Variants in PLSCR4 observed in about 807,000 individuals in gnomAD.
PLSCR4 encodes the protein phospholipid scramblase 4, also known as Ca(2+)-dependent phospholipid scramblase 4.
In PLSCR4, 25 loss-of-function variants were observed where a neutral mutation model predicts 36.3. The observed-to-expected ratio is 0.69, with a 90% CI of 0.50 to 0.96. The LOEUF (loss-of-function observed/expected upper bound fraction) is 0.96. Among genes scored for constraint, PLSCR4 ranks in the 40% least tolerant of loss-of-function variants. The pLI is 0.00. For synonymous variants in PLSCR4, 122 were observed against 132.9 expected, an observed-to-expected ratio of 0.92 and a Z score of 0.56; for missense variants, 408 against 414.7, an observed-to-expected ratio of 0.98 and a Z score of 0.14.
At chr3:146,195,411 G>T in intron 7 of PLSCR4, 129 bp from the exon 8 acceptor site, 1 of 763,490 alleles carries the variant, frequency 1.3e-6, no homozygotes, top group Non-Finnish European at 2.1e-6. Flanking sequence ...TTTGAAATGA[G>T]AAAATAATGG....
chr3:146,238,496 C>T (rs2036009737), intron 1 of PLSCR4, among the ~76,000 whole-genome samples: 1 of 151,758 alleles, frequency 6.6e-6, no homozygotes, highest in Admixed American at 6.6e-5. Context: ...ACAAAAAAAA[C>T]CTCAATCAAT....
intron 1 of PLSCR4, among the ~76,000 whole-genome samples, chr3:146,241,803 A>C (rs74695005): frequency 0.017 from 2,561 of 152,310 alleles, 78 homozygotes; most frequent in African/African-American, 0.058. Flanking sequence ...AAATTAAAAT[A>C]ATACAGCTTG....
intron 3 of PLSCR4, among the ~76,000 whole-genome samples, chr3:146,219,763 A>G (rs1039208101): frequency 5.3e-5 from 8 of 152,138 alleles, no homozygotes; most frequent in African/African-American, 4.8e-5. Flanking sequence ...CAAACAAAAA[A>G]CAAAGAACAA....
At chr3:146,216,907 A>G (rs975871255) in intron 3 of PLSCR4, among the ~76,000 whole-genome samples, 5 of 152,152 alleles carry the variant, frequency 3.3e-5, no homozygotes, top group African/African-American at 1.2e-4. Context: ...TCGCCTTTGA[A>G]GGTGATGAAG....
At chr3:146,217,958 G>T (rs980057348) in intron 3 of PLSCR4, among the ~76,000 whole-genome samples, 2 of 152,154 alleles carry the variant, frequency 1.3e-5, no homozygotes, top group Non-Finnish European at 2.9e-5. Context: ...AGGGTGACTG[G>T]GAGAGGAGAG....
intron 5 of PLSCR4, among the ~76,000 whole-genome samples, chr3:146,200,813 A>T (rs2108220518): frequency 6.6e-6 from 1 of 152,190 alleles, no homozygotes; most frequent in African/African-American, 2.4e-5. Context: ...ATAAAATGTA[A>T]GCCCTTTTCA....
At chr3:146,196,607 A>C (rs1445593565) in intron 7 of PLSCR4, 25 bp downstream of exon 7, 1 of 1,609,688 alleles carries the variant, frequency 6.2e-7, no homozygotes, top group Admixed American at 1.7e-5. Context: ...AAAATATCAG[A>C]AACACTATTT....
chr3:146,236,360 G>C (rs1018982700), intron 1 of PLSCR4, among the ~76,000 whole-genome samples: 1 of 152,144 alleles, frequency 6.6e-6, no homozygotes, highest in Non-Finnish European at 1.5e-5. Flanking sequence ...TTAAAATCAT[G>C]TACTAAGCGT....
chr3:146,196,563 C>T, intron 7 of PLSCR4, 69 bp downstream of exon 7: 2 of 1,455,352 alleles, frequency 1.4e-6, no homozygotes, highest in Admixed American at 1.7e-5. Context: ...TGTCTACAAC[C>T]AGATCTTTCC....
chr3:146,229,653 C>A (rs2035624061), intron 1 of PLSCR4, among the ~76,000 whole-genome samples: 1 of 148,972 alleles, frequency 6.7e-6, no homozygotes, highest in African/African-American at 2.5e-5. Context: ...GAGATGGAGT[C>A]TCGCTCTGTC....
chr3:146,234,147 G>A (rs1013440409), intron 1 of PLSCR4, among the ~76,000 whole-genome samples: 5 of 152,054 alleles, frequency 3.3e-5, no homozygotes, highest in African/African-American at 1.2e-4. Context: ...TTAAAAAGTA[G>A]AAAGAACATG....
intron 5 of PLSCR4, among the ~76,000 whole-genome samples, 192 bp from the exon 6 acceptor site, chr3:146,200,231 A>G (rs771838976): frequency 2.5e-4 from 38 of 152,104 alleles, no homozygotes; most frequent in Non-Finnish European, 4.1e-4. Context: ...AAAATTTAAA[A>G]CATTTCTTTT....
At chr3:146,222,179 ATTT>A (rs547997497) in intron 1 of PLSCR4, 87 bp from the exon 2 acceptor site, 1 of 469,190 alleles carries the variant, frequency 2.1e-6, no homozygotes, top group African/African-American at 2.0e-5. Context: ...GATTTCTGTA[ATTT>A]TTTTAACCTC....
At chr3:146,230,230 C>T (rs569548310) in intron 1 of PLSCR4, among the ~76,000 whole-genome samples, 15 of 152,134 alleles carry the variant, frequency 9.9e-5, no homozygotes, top group Admixed American at 5.9e-4. Context: ...ATGGTTACAA[C>T]GGTACATACA....
intron 3 of PLSCR4, among the ~76,000 whole-genome samples, chr3:146,209,178 A>G (rs1253523914): frequency 1.3e-5 from 2 of 152,140 alleles, no homozygotes; most frequent in Non-Finnish European, 2.9e-5. Context: ...CAAATATTGT[A>G]TGTTCTCACA....
chr3:146,226,541 C>T (rs954904668), intron 1 of PLSCR4, among the ~76,000 whole-genome samples: 6 of 152,114 alleles, frequency 3.9e-5, no homozygotes, highest in African/African-American at 1.4e-4. Context: ...AATCTCAGTG[C>T]AGAAATACAT....
chr3:146,204,410 C>T (rs2034209986), intron 4 of PLSCR4, among the ~76,000 whole-genome samples: 1 of 151,858 alleles, frequency 6.6e-6, no homozygotes, highest in Non-Finnish European at 1.5e-5. Flanking sequence ...CACATTGTGA[C>T]CCTTATCTCA....
At chr3:146,233,977 C>T (rs1512891) in intron 1 of PLSCR4, among the ~76,000 whole-genome samples, 119,817 of 151,546 alleles carry the variant, frequency 0.79, 48,092 homozygotes, top group Non-Finnish European at 0.86. Context: ...AAATATAGTT[C>T]GAAGAGAAAT....
intron 2 of PLSCR4, 80 bp from the exon 3 acceptor site, chr3:146,221,005 G>A (rs2035114322): frequency 1.3e-6 from 1 of 763,962 alleles, no homozygotes; most frequent in South Asian, 2.0e-5. Context: ...CCTTTCTTAT[G>A]GGAATGCATC....
Sources: allele counts gnomAD v4.1 joint callset (sites outside exome capture counted in the v4.1 genomes callset), GRCh38; gene constraint gnomAD v4.1.1; transcripts MANE v1.5; gene names NCBI Gene and HGNC (gene_info 2026-07-23, HGNC 2026-07-21).